Variants in RBFOX1 observed in about 807,000 individuals in gnomAD.
RBFOX1 encodes RNA binding protein fox-1 homolog 1.
In RBFOX1, 8 loss-of-function variants were observed where a neutral mutation model predicts 57.7. The observed-to-expected ratio is 0.14, with a 90% CI of 0.08 to 0.25. The LOEUF (loss-of-function observed/expected upper bound fraction) is 0.25. Ranked by LOEUF, RBFOX1 falls within the 10% of genes least tolerant of loss-of-function variation. The probability of loss-of-function intolerance (pLI) is 1.00; values close to 1 mark genes in which losing one functional copy is unlikely to be tolerated. For synonymous variants in RBFOX1, 326 were observed against 222.4 expected, an observed-to-expected ratio of 1.47 and a Z score of -4.15; for missense variants, 611 against 548.5, an observed-to-expected ratio of 1.11 and a Z score of -1.14.
chr16:5,454,943 C>CTTTCTTTCTTTCTTTCT (rs1567535714), intron 1 of RBFOX1, among the ~76,000 whole-genome samples: 21 of 45,758 alleles, frequency 4.6e-4, no homozygotes, highest in African/African-American at 1.7e-3. Context: ...TCCTTCCTTC[C>CTTTCTTTCTTTCTTTCT]TTCCTTCCTT....
chr16:6,630,689 T>C (rs114086851), intron 2 of RBFOX1, among the ~76,000 whole-genome samples: 2,802 of 152,292 alleles, frequency 0.018, 109 homozygotes, highest in African/African-American at 0.063. Flanking sequence ...TTCTGTTAAG[T>C]ATCTCCATGT....
At chr16:6,660,652 G>C (rs999630246) in intron 3 of RBFOX1, among the ~76,000 whole-genome samples, 1 of 152,036 alleles carries the variant, frequency 6.6e-6, no homozygotes, top group African/African-American at 2.4e-5. Context: ...CTTTAAATTG[G>C]GAGTGATACA....
chr16:5,738,495 G>A (rs1051847502), intron 3 of RBFOX1, among the ~76,000 whole-genome samples: 3 of 151,828 alleles, frequency 2.0e-5, no homozygotes, highest in Non-Finnish European at 4.4e-5. Flanking sequence ...TTAGCTGGTC[G>A]TGGTGGTGCA....
chr16:5,404,068 G>A (rs2066794100), intron 1 of RBFOX1, among the ~76,000 whole-genome samples: 1 of 140,432 alleles, frequency 7.1e-6, no homozygotes, highest in Non-Finnish European at 1.5e-5. Flanking sequence ...GCTTGTCTGA[G>A]TCATGGGGGC....
At chr16:5,622,048 A>C (rs532400614) in intron 3 of RBFOX1, among the ~76,000 whole-genome samples, 1 of 152,196 alleles carries the variant, frequency 6.6e-6, no homozygotes, top group Non-Finnish European at 1.5e-5. Flanking sequence ...GGGTTATCTG[A>C]AACTTTGCCA....
intron 3 of RBFOX1, among the ~76,000 whole-genome samples, chr16:5,637,994 CT>C (rs1222964885): frequency 6.6e-6 from 1 of 152,234 alleles, no homozygotes; most frequent in Non-Finnish European, 1.5e-5. Flanking sequence ...CGGAAGTCCC[CT>C]GACTATTCTT....
intron 3 of RBFOX1, among the ~76,000 whole-genome samples, chr16:5,689,026 C>T (rs964072455): frequency 2.6e-5 from 4 of 152,154 alleles, no homozygotes; most frequent in African/African-American, 9.7e-5. Flanking sequence ...AAAATCAAGG[C>T]AGGATTTTAT....
chr16:5,925,038 A>G (rs2058913338), intron 4 of RBFOX1, among the ~76,000 whole-genome samples: 1 of 152,124 alleles, frequency 6.6e-6, no homozygotes, highest in African/African-American at 2.4e-5. Context: ...GCCTTTTAGC[A>G]CAGACACCTA....
chr16:6,681,157 C>G (rs1004289344), intron 3 of RBFOX1, among the ~76,000 whole-genome samples: 1 of 151,844 alleles, frequency 6.6e-6, no homozygotes, highest in East Asian at 1.9e-4. Context: ...ACTAAAAATA[C>G]AAAAATTAGC....
At chr16:5,306,533 C>T (rs1830306) in intron 1 of RBFOX1, among the ~76,000 whole-genome samples, 97,784 of 151,980 alleles carry the variant, frequency 0.64, 31,887 homozygotes, top group South Asian at 0.73. Context: ...ACCTTGAGCT[C>T]ATGACCTCAA....
intron 1 of RBFOX1, among the ~76,000 whole-genome samples, chr16:6,222,838 C>G (rs1435864309): frequency 6.6e-6 from 1 of 151,920 alleles, no homozygotes; most frequent in Non-Finnish European, 1.5e-5. Flanking sequence ...TCTCCTAATG[C>G]TATCCTTCCG....
chr16:6,503,305 C>G (rs2153186083), intron 2 of RBFOX1, among the ~76,000 whole-genome samples: 1 of 152,226 alleles, frequency 6.6e-6, no homozygotes, highest in African/African-American at 2.4e-5. Context: ...TTCCACTTCT[C>G]CAGACGAGAT....
chr16:6,289,806 G>A (rs1036699719), intron 1 of RBFOX1, among the ~76,000 whole-genome samples: 2 of 152,130 alleles, frequency 1.3e-5, no homozygotes, highest in African/African-American at 4.8e-5. Flanking sequence ...AGGAGTTAAG[G>A]CCATCAGTAA....
intron 3 of RBFOX1, among the ~76,000 whole-genome samples, chr16:6,988,397 A>C (rs973872796): frequency 4.6e-5 from 7 of 152,226 alleles, no homozygotes; most frequent in African/African-American, 1.7e-4. Context: ...GTTAAGATAT[A>C]TGCTGGATTT....
intron 2 of RBFOX1, among the ~76,000 whole-genome samples, chr16:6,446,292 C>A (rs2094484357): frequency 6.6e-6 from 1 of 152,260 alleles, no homozygotes; most frequent in African/African-American, 2.4e-5. Flanking sequence ...CGTGAGCCAC[C>A]ACACCTGGCC....
intron 1 of RBFOX1, among the ~76,000 whole-genome samples, chr16:6,193,387 ATATAC>A (rs1431616883): frequency 5.3e-5 from 2 of 37,530 alleles, no homozygotes; most frequent in East Asian, 7.2e-4. Flanking sequence ...CATTATATAT[ATATAC>A]TATATATATA....
chr16:6,381,422 A>G (rs992526489), intron 2 of RBFOX1, among the ~76,000 whole-genome samples: 1 of 152,160 alleles, frequency 6.6e-6, no homozygotes, highest in African/African-American at 2.4e-5. Flanking sequence ...AACTAGAGAT[A>G]TGTTGGAAGT....
In RBFOX1 at chr16:7,099,237, G is replaced by T. The variant is rs374012081; in HGVS notation, c.27+47139G>T. Among the ~76,000 whole-genome samples the T allele has an allele frequency of 3.0e-4, 45 of 152,294 alleles. 1 individual carries two copies. The East Asian group carries it at 4.8e-3, about 16-fold the overall frequency. On this transcript the variant is annotated intron_variant, in intron 4 of 15. Coordinates refer to ENST00000550418, the MANE Select transcript of RBFOX1 (RefSeq NM_018723.4). The stretch of plus-strand genomic sequence containing the variant: ...GCATACGTGTGGATGTAGAATGAGG[G>T]AGGGTAGATACAGGGCAGGAGAGAT...
chr16:7,310,343 T>C (rs1423876152), intron 4 of RBFOX1, among the ~76,000 whole-genome samples: 2 of 152,110 alleles, frequency 1.3e-5, no homozygotes, highest in Non-Finnish European at 2.9e-5. Flanking sequence ...TCATGGTTGT[T>C]TCTGATCTTC....
Sources: gnomAD v4.1 joint callset for allele counts (sites outside exome capture counted in the v4.1 genomes callset) on GRCh38, gnomAD v4.1.1 for gene constraint, MANE v1.5 for transcripts, NCBI Gene and HGNC (gene_info 2026-07-23, HGNC 2026-07-21) for gene names.